The following ERAP1 variants were observed in gnomAD, a reference collection of about 807,000 sequenced individuals.
The protein encoded by ERAP1 is endoplasmic reticulum aminopeptidase 1, also known as adipocyte-derived leucine aminopeptidase.
A neutral mutation model predicts 103.7 loss-of-function variants in ERAP1; 86 were observed. That is an observed-to-expected ratio of 0.83 (90% confidence interval 0.70 to 0.99). The LOEUF is 0.99. Ranked by LOEUF, ERAP1 falls within the 50% of genes least tolerant of loss-of-function variation. The pLI, the probability that ERAP1 is intolerant of heterozygous loss-of-function variation, is 0.00. For missense variants in ERAP1, 1,009 were observed against 1,128.4 expected (o/e 0.89, Z 1.52); for synonymous variants, 398 against 402.4 (o/e 0.99, Z 0.13).
At chr5:96,926,307 G>T in the ERAP1 span, among the ~76,000 whole-genome samples, 1 of 152,122 alleles carries the variant, frequency 6.6e-6, no homozygotes, top group Non-Finnish European at 1.5e-5. Flanking sequence ...TTATATCAGA[G>T]ATATAATTTA....
At chr5:96,896,546 G>A in the ERAP1 span, 2 of 1,599,302 alleles carry the variant, frequency 1.3e-6, no homozygotes, top group South Asian at 1.1e-5. Flanking sequence ...GCTTTCAGAA[G>A]TGTAATAATG....
At chr5:96,844,508 TA>T in the ERAP1 span, among the ~76,000 whole-genome samples, 1 of 152,228 alleles carries the variant, frequency 6.6e-6, no homozygotes, top group Non-Finnish European at 1.5e-5. Context: ...TAAAAGAACC[TA>T]AAATAATATG....
intron 1 of ERAP1, among the ~76,000 whole-genome samples, chr5:96,806,838 G>T (rs1778661599): frequency 1.5e-5 from 2 of 132,478 alleles, no homozygotes. Flanking sequence ...TAATAAAAAT[G>T]CTGGATTAAT....
chr5:96,905,921 G>T, the ERAP1 span, among the ~76,000 whole-genome samples: 4 of 148,980 alleles, frequency 2.7e-5, no homozygotes, highest in African/African-American at 9.9e-5. Context: ...TTAGTTTGGA[G>T]AGATAATTTT....
the ERAP1 span, among the ~76,000 whole-genome samples, chr5:96,888,129 G>GAA: frequency 6.3e-4 from 82 of 130,036 alleles, 1 homozygote; most frequent in African/African-American, 1.4e-3. Context: ...CATCTCAAAA[G>GAA]AAAAAAAAAA....
chr5:96,820,957 AGAG>A, the ERAP1 span, among the ~76,000 whole-genome samples: 94,211 of 146,860 alleles, frequency 0.64, 30,089 homozygotes, highest in Non-Finnish European at 0.71. Context: ...AGAAAGAAGA[AGAG>A]GAAGAAGAGG....
At chr5:96,842,329 T>C in the ERAP1 span, among the ~76,000 whole-genome samples, 2 of 152,218 alleles carry the variant, frequency 1.3e-5, no homozygotes, top group Non-Finnish European at 2.9e-5. Context: ...GATCAAATGG[T>C]TGATCTACTT....
the ERAP1 span, chr5:96,896,960 C>CAATATAAGT: frequency 4.0e-6 from 4 of 1,010,158 alleles, no homozygotes; most frequent in Non-Finnish European, 5.4e-6. Context: ...TGTCAGTCAA[C>CAATATAAGT]CATATTTATT....
At chr5:96,883,781 T>A in the ERAP1 span, 139 of 1,608,156 alleles carry the variant, frequency 8.6e-5, no homozygotes, top group Non-Finnish European at 1.1e-4. Context: ...TGGGGGTGGG[T>A]CTTTTCACAG....
the ERAP1 span, among the ~76,000 whole-genome samples, chr5:96,852,397 G>A: frequency 6.6e-6 from 1 of 152,124 alleles, no homozygotes; most frequent in Non-Finnish European, 1.5e-5. Context: ...TCCATCAGCA[G>A]GTGGCTTTGG....
In ERAP1 at chr5:96,790,520, T is replaced by C. The variant is rs1409280907; in HGVS notation, c.1444A>G (p.Met482Val). The part of the protein sequence containing the change: ...NTKNEDLWDS[M>V]ASICPTDGVK... ...TTCAAAAACATACTCACACTTGCCA[T>C]ACTATCCCACAGGTCCTCGTTTTTT... is the stretch of plus-strand genomic sequence containing the variant. The change falls in exon 9 of 19, where the codon ATG becomes GTG. Residue 482 changes from methionine (M) to valine (V), a missense_variant. This residue lies in a region of ERAP1 where 611 missense variants were observed against 651.7 expected (regional missense o/e 0.94). Coordinates refer to ENST00000443439, the MANE Select transcript of ERAP1 (RefSeq NM_001040458.3). 3.7e-6 allele frequency: 6 copies of C among 1,613,818 alleles called. No homozygotes were observed. Among genetic ancestry groups the C allele is most frequent in the Non-Finnish European group, 4.2e-6 (5 of 1,179,904 alleles).
chr5:96,782,907 A>G (rs1775423277), intron 15 of ERAP1, 144 bp downstream of exon 15: 1 of 818,264 alleles, frequency 1.2e-6, no homozygotes. Flanking sequence ...ACATAGATAA[A>G]TCTTAAAAAG....
At chr5:96,898,133 T>C in the ERAP1 span, among the ~76,000 whole-genome samples, 1 of 151,974 alleles carries the variant, frequency 6.6e-6, no homozygotes, top group Admixed American at 6.6e-5. Flanking sequence ...GAGCTGGAGG[T>C]TGCAGTGAGC....
At chr5:96,855,679 T>G in the ERAP1 span, among the ~76,000 whole-genome samples, 1 of 152,178 alleles carries the variant, frequency 6.6e-6, no homozygotes, top group East Asian at 1.9e-4. Context: ...CAGCGGAACT[T>G]TGGCCACCGT....
chr5:96,842,225 T>C, the ERAP1 span, among the ~76,000 whole-genome samples: 1 of 152,230 alleles, frequency 6.6e-6, no homozygotes, highest in East Asian at 1.9e-4. Context: ...ATTTTTTCAA[T>C]TGTGAATTGT....
the ERAP1 span, among the ~76,000 whole-genome samples, chr5:96,928,554 C>CT: frequency 6.6e-6 from 1 of 152,156 alleles, no homozygotes; most frequent in African/African-American, 2.4e-5. Flanking sequence ...AGAACAGATC[C>CT]TTCCCTAGTG....
chr5:96,763,344 G>A (rs969224626), intron 19 of ERAP1: 40 of 747,964 alleles, frequency 5.3e-5, no homozygotes, highest in Middle Eastern at 4.6e-4. Context: ...AAAATGCCCC[G>A]TGTGTGTGTA....
upstream of ERAP1, among the ~76,000 whole-genome samples, chr5:96,812,376 A>G (rs1581666290): frequency 6.6e-6 from 1 of 152,252 alleles, no homozygotes; most frequent in South Asian, 2.1e-4. Flanking sequence ...AATTTACTAG[A>G]TATTGTCAAT....
intron 5 of ERAP1, 65 bp downstream of exon 5, chr5:96,794,977 T>C: frequency 6.3e-7 from 1 of 1,590,530 alleles, no homozygotes; most frequent in Non-Finnish European, 8.6e-7. Flanking sequence ...ATGTGCCAAT[T>C]ATAATGACAA....
Sources: allele counts gnomAD v4.1 joint callset (sites outside exome capture counted in the v4.1 genomes callset), GRCh38; gene constraint gnomAD v4.1.1; regional missense constraint gnomAD v4.1.1; transcripts MANE v1.5; gene names NCBI Gene and HGNC (gene_info 2026-07-23, HGNC 2026-07-21).